The following TRPM1 variants were observed in gnomAD, a reference collection of about 807,000 sequenced individuals.
TRPM1 encodes TRPM1-203 APA Isoform, Intron 10.
A neutral mutation model predicts 149.4 loss-of-function variants in TRPM1; 113 were observed. The ratio of observed to expected loss-of-function variants is 0.76; its 90% CI spans 0.65 to 0.88. The LOEUF is 0.88. Ranked by LOEUF, TRPM1 falls within the 40% of genes least tolerant of loss-of-function variation. The probability of loss-of-function intolerance (pLI) is 0.00; values close to 1 mark genes in which losing one functional copy is unlikely to be tolerated. For missense variants in TRPM1, 1,976 were observed against 2,038.7 expected (o/e 0.97, Z 0.59); for synonymous variants, 741 against 759.5 (o/e 0.98, Z 0.40).
rs1450120615 is a variant in TRPM1 at position 31,002,360 on chromosome 15, G to A, written c.4340C>T (p.Pro1447Leu). 16 of 1,614,180 alleles carry A rather than the reference G, an allele frequency of 9.9e-6. No homozygotes were observed. The highest frequency in any genetic ancestry group is 1.4e-5 in the Non-Finnish European group (16 of 1,180,024). The change falls in exon 28 of 28, where the codon CCC (proline) becomes CTC (leucine). Residue 1447 changes from proline to leucine, a missense_variant. By Grantham distance (98) the Pro-to-Leu change is moderately conservative. Coordinates refer to ENST00000256552, the MANE Select transcript of TRPM1 (RefSeq NM_001252024.2). Reference protein sequence around the residue: ...LEETKITRYFPDETINACKTM... With the variant: ...LEETKITRYFLDETINACKTM... ...TTTACAAGCATTGATCGTTTCATCG[G>A]GGAAATAGCGTGTAATTTTGGTTTC...
At chr15:31,132,084 C>T (rs146380092) in intron 1 of TRPM1, among the ~76,000 whole-genome samples, 193 of 152,306 alleles carry the variant, frequency 1.3e-3, no homozygotes, top group Middle Eastern at 3.4e-3. Flanking sequence ...GCTGTTACGC[C>T]GTGTTCTGGG....
At chr15:31,149,725 T>C (rs1052068283) in intron 1 of TRPM1, among the ~76,000 whole-genome samples, 8 of 152,078 alleles carry the variant, frequency 5.3e-5, no homozygotes, top group South Asian at 2.1e-4. Flanking sequence ...TTCACCGTGT[T>C]AGCCAGGATG....
chr15:31,018,291 T>C (rs1226216758), intron 27 of TRPM1, among the ~76,000 whole-genome samples: 1 of 152,116 alleles, frequency 6.6e-6, no homozygotes, highest in East Asian at 1.9e-4. Context: ...CCTCAGGTGA[T>C]CTGCCCGCCT....
intron 1 of TRPM1, among the ~76,000 whole-genome samples, chr15:31,111,755 C>T (rs575809542): frequency 1.3e-5 from 2 of 152,266 alleles, no homozygotes; most frequent in African/African-American, 4.8e-5. Flanking sequence ...TCCTCATGCC[C>T]TCTTAGAACG....
intron 25 of TRPM1, among the ~76,000 whole-genome samples, chr15:31,027,601 A>C (rs2032841564): frequency 6.6e-6 from 1 of 152,220 alleles, no homozygotes; most frequent in Non-Finnish European, 1.5e-5. Flanking sequence ...GGAAGCAGTA[A>C]GTGCATGATT....
At chr15:31,093,281 A>T (rs2141004629) in intron 1 of TRPM1, among the ~76,000 whole-genome samples, 1 of 150,834 alleles carries the variant, frequency 6.6e-6, no homozygotes, top group East Asian at 1.9e-4. Flanking sequence ...AAAAAAAAAA[A>T]AAAAAGATTA....
intron 16 of TRPM1, among the ~76,000 whole-genome samples, chr15:31,045,032 A>G (rs889393043): frequency 6.6e-6 from 1 of 152,166 alleles, no homozygotes. Flanking sequence ...AAGAAATAGG[A>G]CTGGACCCGG....
chr15:31,052,755 A>C (rs2033980466), intron 11 of TRPM1, among the ~76,000 whole-genome samples: 1 of 152,222 alleles, frequency 6.6e-6, no homozygotes, highest in African/African-American at 2.4e-5. Flanking sequence ...AGCCTGGGTG[A>C]CAAGAGTGAA....
intron 1 of TRPM1, among the ~76,000 whole-genome samples, chr15:31,154,939 A>G (rs1437874805): frequency 6.6e-6 from 1 of 151,966 alleles, no homozygotes; most frequent in Non-Finnish European, 1.5e-5. Flanking sequence ...CCACCCACCA[A>G]GTTATCCATA....
At chr15:31,089,471 T>C (rs1463872873) in intron 1 of TRPM1, among the ~76,000 whole-genome samples, 1 of 152,216 alleles carries the variant, frequency 6.6e-6, no homozygotes, top group Non-Finnish European at 1.5e-5. Context: ...CTGACCTTAG[T>C]GCTGGCCCAC....
chr15:31,049,059 T>A (rs1406827180), intron 13 of TRPM1, among the ~76,000 whole-genome samples: 1 of 152,178 alleles, frequency 6.6e-6, no homozygotes, highest in Non-Finnish European at 1.5e-5. Flanking sequence ...TCACCCTTGG[T>A]GACATTTCAC....
rs36111883 is a variant in TRPM1 at position 31,050,383 on chromosome 15, C to T, written c.1437+26G>A. 13,222 of 1,614,150 alleles carry T rather than the reference C, an allele frequency of 8.2e-3. 77 individuals are homozygous for T. The highest frequency in any genetic ancestry group is 0.01 in the Non-Finnish European group (12,055 of 1,180,032). On this transcript the variant is annotated intron_variant, in intron 12 of 27. Transcript: ENST00000256552. Reference sequence around the variant, plus strand: ...CCCTGGGGAAGGGTGATGCCAAGCTCGTGATCTCTGTGACCTTCCACATAC... The same window carrying T: ...CCCTGGGGAAGGGTGATGCCAAGCTTGTGATCTCTGTGACCTTCCACATAC...
intron 2 of TRPM1, among the ~76,000 whole-genome samples, chr15:31,078,330 T>C (rs922890577): frequency 6.6e-6 from 1 of 152,144 alleles, no homozygotes; most frequent in Admixed American, 6.5e-5. Flanking sequence ...GTCATGCCGA[T>C]GCCCCATTTG....
At chr15:31,072,018 T>TATATATATATAGAGAGAGAG (rs1400392427) in intron 3 of TRPM1, among the ~76,000 whole-genome samples, 1 of 36,906 alleles carries the variant, frequency 2.7e-5, no homozygotes, top group African/African-American at 1.1e-4. Context: ...TATATATATA[T>TATATATATATAGAGAGAGAG]AGAGAGAGAG....
intron 22 of TRPM1, among the ~76,000 whole-genome samples, chr15:31,031,940 G>T (rs1595995774): frequency 6.6e-6 from 1 of 151,740 alleles, no homozygotes; most frequent in East Asian, 1.9e-4. Context: ...ACAGGTTGGG[G>T]ATTGGCCCTG....
chr15:31,073,157 T>C (rs1430465003), intron 3 of TRPM1, among the ~76,000 whole-genome samples: 2 of 152,188 alleles, frequency 1.3e-5, no homozygotes, highest in Non-Finnish European at 2.9e-5. Flanking sequence ...ATTTAGGTGT[T>C]TGGTCCATTT....
chr15:31,013,738 TTTGTTGTTTGTTTAGTGATTTTTGTAG>T (rs1357514983), intron 27 of TRPM1, among the ~76,000 whole-genome samples: 1 of 152,168 alleles, frequency 6.6e-6, no homozygotes, highest in Non-Finnish European at 1.5e-5. Context: ...GTAGTTGTTG[TTTGTTGTTTGTTTAGTGATTTTTGTAG>T]TTGTTGTTTG....
At chr15:31,025,305 A>C (rs2032686575) in intron 27 of TRPM1, among the ~76,000 whole-genome samples, 1 of 152,144 alleles carries the variant, frequency 6.6e-6, no homozygotes, top group Non-Finnish European at 1.5e-5. Context: ...GCTTTTAGTA[A>C]ATGATAAAGG....
At chr15:31,149,630 C>T (rs568982449) in intron 1 of TRPM1, among the ~76,000 whole-genome samples, 6 of 151,976 alleles carry the variant, frequency 3.9e-5, no homozygotes, top group South Asian at 2.1e-4. Context: ...CGCCATTCTC[C>T]TGCCTCAGCC....
Sources: gnomAD v4.1 joint callset for allele counts (sites outside exome capture counted in the v4.1 genomes callset) on GRCh38, gnomAD v4.1.1 for gene constraint, MANE v1.5 for transcripts, NCBI Gene and HGNC (gene_info 2026-07-23, HGNC 2026-07-21) for gene names.